Variants in CHST8 observed in about 807,000 individuals in gnomAD.
CHST8 encodes GALNAC-4-ST1.
Under a neutral mutation model 15.0 loss-of-function variants are expected in CHST8, and 10 were observed. That is an observed-to-expected ratio of 0.67 (90% CI 0.41 to 1.13). CHST8 has a LOEUF of 1.13. Ranked by LOEUF, CHST8 falls within the 50% of genes most tolerant of loss-of-function variation. The probability of loss-of-function intolerance (pLI) is 0.00; values close to 1 mark genes in which losing one functional copy is unlikely to be tolerated. For synonymous variants in CHST8, 259 were observed against 256.6 expected (o/e 1.01, Z -0.09); for missense variants, 634 against 608.2 (o/e 1.04, Z -0.45).
intron 1 of CHST8, among the ~76,000 whole-genome samples, chr19:33,629,943 A>C (rs1389682124): frequency 6.6e-6 from 1 of 152,208 alleles, no homozygotes; most frequent in Non-Finnish European, 1.5e-5. Context: ...ACATGCCCAG[A>C]TGCTTATCAG....
At chr19:33,771,509 G>A in intron 4 of CHST8, 59 bp downstream of exon 4, 2 of 1,548,906 alleles carry the variant, frequency 1.3e-6, no homozygotes, top group Non-Finnish European at 1.8e-6. Context: ...ACTGGGGAGG[G>A]CTGGGAAGAA....
chr19:33,715,192 G>A (rs1010000810), intron 3 of CHST8, among the ~76,000 whole-genome samples: 4 of 152,222 alleles, frequency 2.6e-5, no homozygotes, highest in South Asian at 4.1e-4. Flanking sequence ...TTCCCGACTC[G>A]CCCAGGGCTG....
intron 3 of CHST8, among the ~76,000 whole-genome samples, chr19:33,743,463 G>A (rs557729331): frequency 2.2e-3 from 337 of 151,962 alleles, no homozygotes; most frequent in Non-Finnish European, 2.9e-3. Flanking sequence ...CACCTCGCCC[G>A]GCTAATTTTT....
At chr19:33,770,399 A>T (rs1974952159) in intron 3 of CHST8, among the ~76,000 whole-genome samples, 1 of 152,172 alleles carries the variant, frequency 6.6e-6, no homozygotes, top group African/African-American at 2.4e-5. Context: ...CTCAGGACGA[A>T]AATGTCCACC....
intron 2 of CHST8, among the ~76,000 whole-genome samples, chr19:33,676,059 C>T (rs1972805612): frequency 6.6e-6 from 1 of 151,940 alleles, no homozygotes; most frequent in Admixed American, 6.5e-5. Context: ...GAGGCTGAGG[C>T]AGGAGGATCA....
At chr19:33,650,288 T>C (rs1972418386) in intron 1 of CHST8, among the ~76,000 whole-genome samples, 1 of 152,074 alleles carries the variant, frequency 6.6e-6, no homozygotes, top group Non-Finnish European at 1.5e-5. Context: ...AGAGGGGGAC[T>C]GTTTATTCAG....
chr19:33,622,566 C>G (rs528479634), intron 1 of CHST8, among the ~76,000 whole-genome samples: 1 of 152,286 alleles, frequency 6.6e-6, no homozygotes, highest in African/African-American at 2.4e-5. Context: ...CTGGGAACTG[C>G]CGTCCCTCGG....
intron 3 of CHST8, among the ~76,000 whole-genome samples, chr19:33,743,257 GC>G (rs1974233429): frequency 6.6e-6 from 1 of 150,592 alleles, no homozygotes; most frequent in Non-Finnish European, 1.5e-5. Context: ...ACCTTTGGGA[GC>G]CTTTTGATCT....
At chr19:33,640,085 G>A (rs549515347) in intron 1 of CHST8, among the ~76,000 whole-genome samples, 16 of 151,992 alleles carry the variant, frequency 1.1e-4, no homozygotes, top group Non-Finnish European at 2.1e-4. Flanking sequence ...CTCGTGATCC[G>A]CCCACCTCGG....
intron 1 of CHST8, among the ~76,000 whole-genome samples, chr19:33,656,797 C>T (rs908773970): frequency 6.6e-6 from 1 of 152,092 alleles, no homozygotes; most frequent in African/African-American, 2.4e-5. Flanking sequence ...CCTTGACCTC[C>T]CAAAGTGCTG....
At chr19:33,690,670 G>A (rs1395516838) in intron 3 of CHST8, among the ~76,000 whole-genome samples, 1 of 152,238 alleles carries the variant, frequency 6.6e-6, no homozygotes, top group African/African-American at 2.4e-5. Context: ...CACAGGTGGT[G>A]GCTGTCAGAA....
At chr19:33,771,565 C>G (rs902158189) in intron 4 of CHST8, 115 bp downstream of exon 4, 2 of 1,027,958 alleles carry the variant, frequency 1.9e-6, no homozygotes, top group Non-Finnish European at 3.0e-6. Flanking sequence ...AAAAATGTGT[C>G]CAGCCTTTCC....
At chr19:33,738,042 A>AAATCC (rs1334891202) in intron 3 of CHST8, among the ~76,000 whole-genome samples, 1 of 152,212 alleles carries the variant, frequency 6.6e-6, no homozygotes, top group Admixed American at 6.5e-5. Flanking sequence ...CTTGACATTT[A>AAATCC]AATCCAATTA....
At chr19:33,760,731 G>A (rs1974706488) in intron 3 of CHST8, among the ~76,000 whole-genome samples, 1 of 152,074 alleles carries the variant, frequency 6.6e-6, no homozygotes, top group African/African-American at 2.4e-5. Context: ...TTACCCTCAG[G>A]TGCCAATTTA....
At position 33,727,428 on chromosome 19, in the gene CHST8, C is replaced by A. The variant is rs1055809779; in HGVS notation, c.130+38037C>A. On this transcript the variant is annotated intron_variant, in intron 3 of 4. Coordinates refer to ENST00000650847, the MANE Select transcript of CHST8 (RefSeq NM_001127895.2). ...GCTCCCGGCCCCTGAAAGCCTGTGG[C>A]CACTTGCATTCATGCACATGAGTGT... Among the ~76,000 whole-genome samples, 3 of 152,148 alleles carry A rather than the reference C, an allele frequency of 2.0e-5. No individual in the cohort carries two copies. The East Asian group carries it at 5.8e-4, about 29-fold the overall frequency.
chr19:33,622,629 C>A (rs964700173), intron 1 of CHST8, among the ~76,000 whole-genome samples: 5 of 152,148 alleles, frequency 3.3e-5, no homozygotes, highest in African/African-American at 4.8e-5. Flanking sequence ...TCGGTGCTGC[C>A]CGCGGGGAGG....
rs1284940347 is a variant in CHST8 at position 33,689,411 on chromosome 19, C to T, written c.130+20C>T. On this transcript the variant is annotated intron_variant, in intron 3 of 4. Coordinates refer to ENST00000650847, the MANE Select transcript of CHST8 (RefSeq NM_001127895.2). ...TGCCAGGTGAGTCCTTGCGCTGAGTCCTGCCATCACTGCCCCCAGCTTTCC... is the reference window on the plus strand; with the variant it reads ...TGCCAGGTGAGTCCTTGCGCTGAGTTCTGCCATCACTGCCCCCAGCTTTCC... 7 of 1,551,654 alleles carry T rather than the reference C, an allele frequency of 4.5e-6. No individual in the cohort carries two copies. The highest frequency in any genetic ancestry group is 6.1e-6 in the Non-Finnish European group (7 of 1,152,720).
At chr19:33,717,760 G>A (rs966984302) in intron 3 of CHST8, among the ~76,000 whole-genome samples, 2 of 152,180 alleles carry the variant, frequency 1.3e-5, no homozygotes, top group African/African-American at 4.8e-5. Flanking sequence ...GTTGGGCCCA[G>A]TTGGTCTTAG....
chr19:33,772,789 T>G lies in CHST8; in HGVS notation c.1001T>G (p.Leu334Arg). Residue 334 changes from leucine to arginine, a missense_variant, in exon 5 of 5, where the codon CTC becomes CGC. Transcript: ENST00000650847. Reference protein sequence around the residue: ...MDIHWDHVSRLCSPCLIDYDF... With the variant: ...MDIHWDHVSRRCSPCLIDYDF... ...ATTCACTGGGACCATGTCAGCCGGC[T>G]CTGCAGCCCCTGCCTCATCGACTAC... 6.2e-7 allele frequency: 1 copy of G among 1,613,458 alleles called. No homozygotes were observed. The highest frequency in any genetic ancestry group is 8.5e-7 in the Non-Finnish European group (1 of 1,180,022).
Sources: gnomAD v4.1 joint callset for allele counts (sites outside exome capture counted in the v4.1 genomes callset) on GRCh38, gnomAD v4.1.1 for gene constraint, MANE v1.5 for transcripts, NCBI Gene and HGNC (gene_info 2026-07-23, HGNC 2026-07-21) for gene names.